The following NOX4 variants were observed in gnomAD, a reference collection of about 807,000 sequenced individuals.
NOX4 encodes kidney oxidase-1.
NOX4 carries 69 observed loss-of-function variants against 87.6 expected under a neutral mutation model. That is an observed-to-expected ratio of 0.79 (90% CI 0.65 to 0.96). The LOEUF (loss-of-function observed/expected upper bound fraction) is 0.96, where lower values mean the gene tolerates loss of function less well. NOX4 is among the 40% of genes least tolerant of loss of function. The pLI, the probability that NOX4 is intolerant of heterozygous loss-of-function variation, is 0.00. For synonymous variants in NOX4, 275 were observed against 238.2 expected (o/e 1.15, Z -1.42); for missense variants, 680 against 681.5 (o/e 1.00, Z 0.02).
chr11:89,329,456 A>G (rs1012110804), intron 17 of NOX4, among the ~76,000 whole-genome samples: 2 of 131,494 alleles, frequency 1.5e-5, no homozygotes, highest in Non-Finnish European at 1.6e-5. Context: ...GCAGTCCAAC[A>G]TGAGAGAAGA....
At chr11:89,556,529 G>C in the NOX4 span, among the ~76,000 whole-genome samples, 1 of 151,380 alleles carries the variant, frequency 6.6e-6, no homozygotes, top group Non-Finnish European at 1.5e-5. Flanking sequence ...TCAAGGGGAA[G>C]GGAGGGGAAG....
chr11:89,504,998 G>A, the NOX4 span, among the ~76,000 whole-genome samples: 2 of 151,948 alleles, frequency 1.3e-5, no homozygotes, highest in Admixed American at 1.3e-4. Flanking sequence ...TTGCCTTCTA[G>A]CCCCATCTTT....
intron 11 of NOX4, among the ~76,000 whole-genome samples, chr11:89,396,627 T>C (rs1042915986): frequency 1.3e-5 from 2 of 152,004 alleles, no homozygotes; most frequent in African/African-American, 2.4e-5. Flanking sequence ...GAGGAAGATC[T>C]ACCAAGCAAA....
Position 89,324,463 on chromosome 11 carries a change from G to T in NOX4, c.*2293C>A, listed in dbSNP as rs183242370. ...AATAAAACAAAGTTCTCTTAAACAT[G>T]CAAGATGAAGCCCTGCAGAAGCAAA... On this transcript the variant is annotated 3_prime_UTR_variant, in exon 18 of 18. Coordinates refer to ENST00000263317, the MANE Select transcript of NOX4 (RefSeq NM_016931.5). 3.9e-5 allele frequency: 6 copies of T among 152,098 alleles called. No individual in the cohort carries two copies. Among genetic ancestry groups the T allele is most frequent in the Non-Finnish European group, 8.8e-5 (6 of 68,016 alleles). The allele number at this position is 152,098 out of a possible 1,614,324, so 9.4% of individuals were successfully genotyped here. A position where few individuals can be genotyped will look rare whatever the true frequency, so the allele number is the denominator to read the frequency against.
chr11:89,563,401 G>A, the NOX4 span, among the ~76,000 whole-genome samples: 1 of 151,990 alleles, frequency 6.6e-6, no homozygotes, highest in Admixed American at 6.6e-5. Context: ...CTTCTGGCTT[G>A]GTTTCTACAT....
chr11:89,365,753 CAAAAAAA>C lies in NOX4; in HGVS notation c.1135+7672_1135+7678del, dbSNP rs1213376592. On this transcript the variant is annotated intron_variant, in intron 12 of 17. Transcript: ENST00000263317. ...TTATCCAAGACCAAGACCACGCCCA[CAAAAAAA>C]AAAAAAAAAAAAAAAACAGGAGATT... Among the ~76,000 whole-genome samples, 34 of 56,646 alleles carry C rather than the reference CAAAAAAA, an allele frequency of 6.0e-4. No individual in the cohort carries two copies. The East Asian group carries it at 0.013, about 21-fold the overall frequency. The allele number at this position is 56,646 out of a possible 152,430, so 37.2% of individuals were successfully genotyped here.
intron 11 of NOX4, among the ~76,000 whole-genome samples, chr11:89,386,879 C>T (rs2135118682): frequency 6.6e-6 from 1 of 152,216 alleles, no homozygotes; most frequent in Middle Eastern, 3.4e-3. Context: ...ACTTGTTTTT[C>T]TCCTTCTCTT....
chr11:89,358,439 C>T (rs1323749190), intron 12 of NOX4, among the ~76,000 whole-genome samples: 2 of 136,620 alleles, frequency 1.5e-5, no homozygotes, highest in African/African-American at 5.3e-5. Flanking sequence ...TTCATATATA[C>T]ATAAACAGAA....
At chr11:89,422,420 T>C (rs1943129151) in intron 7 of NOX4, among the ~76,000 whole-genome samples, 2 of 152,046 alleles carry the variant, frequency 1.3e-5, no homozygotes, top group Non-Finnish European at 2.9e-5. Flanking sequence ...ATAAATGAAA[T>C]AGATGACGAC....
upstream of NOX4, among the ~76,000 whole-genome samples, chr11:89,501,242 T>G (rs1947014036): frequency 2.0e-5 from 3 of 152,062 alleles, no homozygotes; most frequent in South Asian, 6.2e-4. Flanking sequence ...CTGCCTGTGA[T>G]CTGCAATTTA....
intron 11 of NOX4, among the ~76,000 whole-genome samples, chr11:89,384,962 G>A (rs758544598): frequency 6.6e-5 from 10 of 151,786 alleles, no homozygotes; most frequent in East Asian, 3.9e-4. Flanking sequence ...TTGGTTTATC[G>A]ATGGCAGTTC....
the NOX4 span, among the ~76,000 whole-genome samples, chr11:89,565,055 G>T: frequency 6.6e-6 from 1 of 152,234 alleles, no homozygotes; most frequent in East Asian, 1.9e-4. Context: ...CTGGGATTTT[G>T]ACTGGGATTT....
chr11:89,352,551 T>C (rs141733740), intron 13 of NOX4, among the ~76,000 whole-genome samples: 1 of 152,240 alleles, frequency 6.6e-6, no homozygotes, highest in African/African-American at 2.4e-5. Context: ...AGAACATTCA[T>C]GATTCATGGG....
At chr11:89,584,165 T>C in the NOX4 span, among the ~76,000 whole-genome samples, 1 of 152,174 alleles carries the variant, frequency 6.6e-6, no homozygotes, top group Non-Finnish European at 1.5e-5. Flanking sequence ...GGCAGAACTT[T>C]ATATTCATTT....
chr11:89,519,135 A>G, the NOX4 span, among the ~76,000 whole-genome samples: 1 of 152,124 alleles, frequency 6.6e-6, no homozygotes, highest in African/African-American at 2.4e-5. Flanking sequence ...AAGATGAGTC[A>G]ACAGAAAAAT....
At chr11:89,497,306 A>G (rs1385810959) in intron 1 of NOX4, among the ~76,000 whole-genome samples, 4 of 152,230 alleles carry the variant, frequency 2.6e-5, no homozygotes, top group African/African-American at 7.2e-5. Context: ...AGTTTTAAAC[A>G]GAAGTGTCTG....
At chr11:89,337,313 A>C in intron 16 of NOX4, 134 bp downstream of exon 16, 2 of 1,347,908 alleles carry the variant, frequency 1.5e-6, no homozygotes, top group Non-Finnish European at 2.0e-6. Flanking sequence ...ACTTTCCTGG[A>C]CATATTCCAA....
Position 89,357,076 on chromosome 11 carries a change from G to T in NOX4, c.1136-2033C>A, listed in dbSNP as rs185369763. 3.0e-3 allele frequency among the ~76,000 whole-genome samples: 464 copies of T among 152,268 alleles called. 3 individuals carry two copies. Among genetic ancestry groups the T allele is most frequent in the African/African-American group, 9.8e-3 (406 of 41,566 alleles). On this transcript the variant is annotated intron_variant, in intron 12 of 17. Coordinates refer to ENST00000263317, the MANE Select transcript of NOX4 (RefSeq NM_016931.5). The stretch of plus-strand genomic sequence containing the variant: ...ACTTGATGACAATTGCCATTTCCTA[G>T]TTTATGAATAACTAGATGTTAAATT...
the NOX4 span, among the ~76,000 whole-genome samples, chr11:89,507,261 C>T: frequency 6.6e-6 from 1 of 151,648 alleles, no homozygotes; most frequent in Non-Finnish European, 1.5e-5. Flanking sequence ...TGGGTGTATC[C>T]ATATGTCAAA....
Sources: allele counts gnomAD v4.1 joint callset (sites outside exome capture counted in the v4.1 genomes callset), GRCh38; gene constraint gnomAD v4.1.1; transcripts MANE v1.5; gene names NCBI Gene and HGNC (gene_info 2026-07-23, HGNC 2026-07-21).